The following LIN28A variants were observed in gnomAD, a reference collection of about 807,000 sequenced individuals.
The protein encoded by LIN28A is protein lin-28 homolog A.
LIN28A carries 11 observed loss-of-function variants against 21.1 expected under a neutral mutation model. That is an observed-to-expected ratio of 0.52 (90% CI 0.33 to 0.86). The LOEUF is 0.86. Ranked by LOEUF, LIN28A falls within the 40% of genes least tolerant of loss-of-function variation. The pLI is 0.03. For missense variants in LIN28A, 219 were observed against 279.8 expected (o/e 0.78, Z 1.55); for synonymous variants, 111 against 108.7 (o/e 1.02, Z -0.13).
intron 2 of LIN28A, among the ~76,000 whole-genome samples, chr1:26,424,462 G>A (rs759148016): frequency 2.0e-5 from 3 of 152,032 alleles, no homozygotes; most frequent in Non-Finnish European, 4.4e-5. Flanking sequence ...GGCTGGTCTC[G>A]AACTCTGGAC....
chr1:26,424,984 C>G (rs1046195865), intron 2 of LIN28A, among the ~76,000 whole-genome samples: 2 of 152,156 alleles, frequency 1.3e-5, no homozygotes, highest in Non-Finnish European at 2.9e-5. Context: ...TTCAGGTGAT[C>G]CTCCCGCCTC....
chr1:26,418,706 A>G (rs2124293528), intron 2 of LIN28A, among the ~76,000 whole-genome samples: 1 of 152,122 alleles, frequency 6.6e-6, no homozygotes, highest in South Asian at 2.1e-4. Context: ...ATTTATCTGA[A>G]TCAATAATTC....
intron 2 of LIN28A, among the ~76,000 whole-genome samples, chr1:26,424,935 G>A (rs935934160): frequency 1.3e-5 from 2 of 152,066 alleles, no homozygotes; most frequent in Non-Finnish European, 2.9e-5. Context: ...TAGAGACAGA[G>A]TTTCACCATG....
chr1:26,422,431 C>A (rs200595811), intron 2 of LIN28A, among the ~76,000 whole-genome samples: 7 of 111,630 alleles, frequency 6.3e-5, no homozygotes, highest in Non-Finnish European at 9.1e-5. Context: ...TTTTTTTTTT[C>A]CTGTTTCAAG....
intron 2 of LIN28A, among the ~76,000 whole-genome samples, chr1:26,417,488 T>C (rs995939381): frequency 6.6e-6 from 1 of 152,236 alleles, no homozygotes; most frequent in Non-Finnish European, 1.5e-5. Flanking sequence ...AGCTGCTTTT[T>C]TAAACGTAGC....
chr1:26,413,251 G>T, intron 2 of LIN28A, among the ~76,000 whole-genome samples: 1 of 152,166 alleles, frequency 6.6e-6, no homozygotes, highest in East Asian at 1.9e-4. Context: ...TGGAATAAAA[G>T]AGTCAGACCC....
chr1:26,413,825 CTTTT>C (rs755305206), intron 2 of LIN28A, among the ~76,000 whole-genome samples: 6 of 100,410 alleles, frequency 6.0e-5, no homozygotes, highest in South Asian at 3.3e-4. Context: ...TTGTTTGTTG[CTTTT>C]TTTTTTTTTT....
rs1230248523 is a variant in LIN28A, at chr1:26,411,273, C to T, written c.32-113C>T. On this transcript the variant is annotated intron_variant, in intron 1 of 3. Transcript: ENST00000326279. This position sits in a 1 kb window ranked among gnomAD's most constrained non-coding sequence, Gnocchi z 5.4. The stretch of plus-strand genomic sequence containing the variant: ...CTCTTCTGTTGCTTGGTAGCTGCCC[C>T]CTCCTGGCTGTCCACTTGTGGGGCT... 2.2e-5 allele frequency: 23 copies of T among 1,052,002 alleles called. No homozygotes were observed. The highest frequency in any genetic ancestry group is 8.8e-5 in the Admixed American group (3 of 34,182). The allele number at this position is 1,052,002 out of a possible 1,614,324, so 65.2% of individuals were successfully genotyped here. A position where few individuals can be genotyped will look rare whatever the true frequency, so the allele number is the denominator to read the frequency against.
rs2124278460 is a variant in LIN28A at position 26,410,877 on chromosome 1, G to C, written c.-15G>C. The C allele has an allele frequency of 1.2e-6, 2 of 1,611,882 alleles. No homozygotes were observed. Among genetic ancestry groups the C allele is most frequent in the Middle Eastern group, 1.7e-4 (1 of 6,046 alleles). ...CCCGACCAGGGGCCCGGGGCCACGG[G>C]CTCAGCCGACGACCATGGGCTCCGT... On this transcript the variant is annotated 5_prime_UTR_variant, in exon 1 of 4. Transcript: ENST00000326279.
Position 26,429,017 on chromosome 1 carries a change from T to G in LIN28A, c.*2559T>G, listed in dbSNP as rs1454171826. On this transcript the variant is annotated 3_prime_UTR_variant, in exon 4 of 4. Coordinates refer to ENST00000326279, the MANE Select transcript of LIN28A (RefSeq NM_024674.6). ...CCGTCTCTACTAAAATACAAAAAAA[T>G]TAGCCGGGTGTGGTGGTGCATGCCT... The G allele has an allele frequency of 3.3e-5, 5 of 152,204 alleles. No homozygotes were observed. Among genetic ancestry groups the G allele is most frequent in the African/African-American group, 1.2e-4 (5 of 41,414 alleles). 9.4% of individuals were successfully genotyped at this position (152,204 alleles called of 1,614,324 possible).
At chr1:26,417,458 T>A (rs2075000545) in intron 2 of LIN28A, among the ~76,000 whole-genome samples, 1 of 152,224 alleles carries the variant, frequency 6.6e-6, no homozygotes, top group Non-Finnish European at 1.5e-5. Context: ...CAGGACTGAA[T>A]CATTAAAATT....
intron 2 of LIN28A, among the ~76,000 whole-genome samples, chr1:26,417,965 C>T (rs531682748): frequency 5.1e-4 from 77 of 151,860 alleles, no homozygotes; most frequent in Non-Finnish European, 9.4e-4. Context: ...AATTCTGTTG[C>T]CACTTCTGGA....
chr1:26,416,346 A>C (rs1557761380), intron 2 of LIN28A, among the ~76,000 whole-genome samples: 1 of 152,178 alleles, frequency 6.6e-6, no homozygotes, highest in African/African-American at 2.4e-5. Flanking sequence ...CAAATATGGG[A>C]TGTTTCTACC....
At chr1:26,419,687 C>A (rs1003040763) in intron 2 of LIN28A, among the ~76,000 whole-genome samples, 1 of 152,134 alleles carries the variant, frequency 6.6e-6, no homozygotes, top group African/African-American at 2.4e-5. Context: ...ACAGCACTAC[C>A]ATAAAATTAG....
At chr1:26,417,013 C>A (rs1352923692) in intron 2 of LIN28A, among the ~76,000 whole-genome samples, 1 of 133,074 alleles carries the variant, frequency 7.5e-6, no homozygotes, top group Non-Finnish European at 1.6e-5. Context: ...AGGAACCTTT[C>A]ATTCTTATCC....
At chr1:26,420,583 G>A (rs765294921) in intron 2 of LIN28A, among the ~76,000 whole-genome samples, 36 of 127,162 alleles carry the variant, frequency 2.8e-4, no homozygotes, top group African/African-American at 7.7e-4. Flanking sequence ...CAGCATGGGC[G>A]ACAGAGCAAG....
intron 3 of LIN28A, among the ~76,000 whole-genome samples, chr1:26,425,987 G>C (rs2075056940): frequency 6.6e-6 from 1 of 152,128 alleles, no homozygotes; most frequent in South Asian, 2.1e-4. Flanking sequence ...CCTAGTTGGG[G>C]TCAGTAACTT....
intron 2 of LIN28A, among the ~76,000 whole-genome samples, chr1:26,417,423 A>C (rs553953218): frequency 6.6e-6 from 1 of 152,322 alleles, no homozygotes; most frequent in South Asian, 2.1e-4. Flanking sequence ...TCCAGGAATG[A>C]AGCTAAGTTA....
Position 26,411,413 on chromosome 1 carries a change from C to T in LIN28A, c.59C>T (p.Ala20Val). 6.2e-7 allele frequency: 1 copy of T among 1,600,926 alleles called. No individual in the cohort carries two copies. Among genetic ancestry groups the T allele is most frequent in the Non-Finnish European group, 8.5e-7 (1 of 1,174,600 alleles). ...GGCTGCGCCAAGGCGGCAGAAGAGG[C>T]GCCCGAGGAGGCGCCGGAGGACGCG... The part of the protein sequence containing the change: ...AGGCAKAAEE[A>V]PEEAPEDAAR... The change falls in exon 2 of 4, where the codon GCG (alanine) becomes GTG (valine). Residue 20 changes from alanine to valine, a missense_variant. Coordinates refer to ENST00000326279, the MANE Select transcript of LIN28A (RefSeq NM_024674.6). The surrounding 1 kb of genome is among the most constrained non-coding windows in gnomAD (Gnocchi z 5.4).
Sources: allele counts gnomAD v4.1 joint callset (sites outside exome capture counted in the v4.1 genomes callset), GRCh38; gene constraint gnomAD v4.1.1; non-coding constraint Gnocchi (gnomAD v3.1); transcripts MANE v1.5; gene names NCBI Gene and HGNC (gene_info 2026-07-23, HGNC 2026-07-21).